The following LRRC37A2 variants were observed in gnomAD, a reference collection of about 807,000 sequenced individuals.
LRRC37A2 encodes the protein leucine rich repeat containing 37 member A2.
In LRRC37A2, 9 loss-of-function variants were observed where a neutral mutation model predicts 68.8. The observed-to-expected ratio is 0.13, with a 90% CI of 0.08 to 0.23. LRRC37A2 has a LOEUF of 0.23. LRRC37A2 is among the 10% of genes least tolerant of loss of function. The probability of loss-of-function intolerance (pLI) is 1.00; values close to 1 mark genes in which losing one functional copy is unlikely to be tolerated. For synonymous variants in LRRC37A2, 63 were observed against 367.6 expected, an observed-to-expected ratio of 0.17 and a Z score of 9.48; for missense variants, 168 against 950.4, an observed-to-expected ratio of 0.18 and a Z score of 10.82.
At chr17:46,841,672 G>A in the LRRC37A2 span, among the ~76,000 whole-genome samples, 1 of 152,178 alleles carries the variant, frequency 6.6e-6, no homozygotes, top group Non-Finnish European at 1.5e-5. Context: ...GGGGCTGGCC[G>A]GGAGCAGGAC....
chr17:46,835,823 TC>T, the LRRC37A2 span, among the ~76,000 whole-genome samples: 1 of 152,172 alleles, frequency 6.6e-6, no homozygotes, highest in Non-Finnish European at 1.5e-5. Flanking sequence ...CCCCCTTCAC[TC>T]CCCACCTCTG....
At chr17:47,020,323 T>A in the LRRC37A2 span, among the ~76,000 whole-genome samples, 460 of 147,554 alleles carry the variant, frequency 3.1e-3, 11 homozygotes, top group African/African-American at 0.012. Context: ...ATGAAACACT[T>A]CATCAGTGCT....
chr17:46,805,013 C>A, the LRRC37A2 span, among the ~76,000 whole-genome samples: 1 of 148,538 alleles, frequency 6.7e-6, no homozygotes, highest in East Asian at 2.0e-4. Flanking sequence ...ATAACTCTTG[C>A]TGTTGCTCAC....
the LRRC37A2 span, among the ~76,000 whole-genome samples, chr17:46,991,338 C>T: frequency 5.9e-5 from 9 of 152,198 alleles, no homozygotes; most frequent in Admixed American, 3.9e-4. Context: ...TAAAAAGAAA[C>T]AGTATAGGCC....
chr17:46,787,751 C>G, the LRRC37A2 span, among the ~76,000 whole-genome samples: 3 of 152,174 alleles, frequency 2.0e-5, no homozygotes, highest in East Asian at 3.8e-4. Context: ...GTCAGGAGTT[C>G]GAGACCAGCC....
chr17:46,755,868 G>A, the LRRC37A2 span: 16 of 1,590,968 alleles, frequency 1.0e-5, 1 homozygote, highest in South Asian at 1.8e-4. Context: ...AAGTGACCAA[G>A]GTGAAGATGG....
the LRRC37A2 span, among the ~76,000 whole-genome samples, chr17:46,868,798 T>C: frequency 6.6e-6 from 1 of 152,164 alleles, no homozygotes; most frequent in African/African-American, 2.4e-5. Context: ...GTATGACTTC[T>C]TCCAGGGGAT....
the LRRC37A2 span, among the ~76,000 whole-genome samples, chr17:46,906,508 C>T: frequency 6.6e-6 from 1 of 152,226 alleles, no homozygotes; most frequent in Non-Finnish European, 1.5e-5. Flanking sequence ...CAGCCTTCAA[C>T]ACCTGGAGTC....
chr17:46,532,112 T>C lies in LRRC37A2; in HGVS notation c.2907-8064T>C, dbSNP rs558776786. Among the ~76,000 whole-genome samples the C allele has an allele frequency of 1.2e-3, 174 of 150,360 alleles. 11 individuals carry two copies. The highest frequency in any genetic ancestry group is 4.2e-3 in the African/African-American group (170 of 40,004). Reference sequence around the variant, plus strand: ...CGGGGTTTCAGCACGTTTATCAGGCTGCTCTCGAACTCCTAACCTCAGATG... The same window carrying C: ...CGGGGTTTCAGCACGTTTATCAGGCCGCTCTCGAACTCCTAACCTCAGATG... On this transcript the variant is annotated intron_variant, in intron 6 of 14. Coordinates refer to ENST00000576629, the Ensembl canonical transcript of LRRC37A2.
the LRRC37A2 span, among the ~76,000 whole-genome samples, chr17:47,037,185 G>A: frequency 6.6e-6 from 1 of 151,134 alleles, no homozygotes; most frequent in Non-Finnish European, 1.5e-5. Flanking sequence ...AGCTACTCAG[G>A]AGGCTGAGGT....
chr17:46,992,198 C>CTAAATAAATTAATAAATAAATAAATAAA, the LRRC37A2 span, among the ~76,000 whole-genome samples: 1 of 143,778 alleles, frequency 7.0e-6, no homozygotes, highest in Non-Finnish European at 1.5e-5. Context: ...CCCATCTCTA[C>CTAAATAAATTAATAAATAAATAAATAAA]TAAATAAATA....
chr17:46,795,606 C>T, the LRRC37A2 span, among the ~76,000 whole-genome samples: 1 of 152,188 alleles, frequency 6.6e-6, no homozygotes, highest in Non-Finnish European at 1.5e-5. Context: ...GTCCAGCCTG[C>T]AAACATTTCC....
chr17:46,753,702 A>G, the LRRC37A2 span, among the ~76,000 whole-genome samples: 1 of 152,122 alleles, frequency 6.6e-6, no homozygotes, highest in African/African-American at 2.4e-5. Flanking sequence ...GTCAGTGATC[A>G]AGTTAATGCT....
chr17:46,479,700 G>C, the LRRC37A2 span, among the ~76,000 whole-genome samples: 1 of 105,356 alleles, frequency 9.5e-6, no homozygotes, highest in Admixed American at 9.3e-5. Flanking sequence ...GTAGAGATGG[G>C]GTTTCACCAT....
chr17:46,955,946 C>G, the LRRC37A2 span, among the ~76,000 whole-genome samples: 1 of 152,170 alleles, frequency 6.6e-6, no homozygotes, highest in Non-Finnish European at 1.5e-5. Flanking sequence ...GACTCTAATT[C>G]CTTATCCCAT....
the LRRC37A2 span, among the ~76,000 whole-genome samples, chr17:46,900,690 C>G: frequency 1.3e-5 from 2 of 152,226 alleles, no homozygotes; most frequent in African/African-American, 4.8e-5. Flanking sequence ...TTCAGCAGTA[C>G]AGTACAAGGT....
At chr17:46,768,393 C>T in the LRRC37A2 span, 1 of 1,613,920 alleles carries the variant, frequency 6.2e-7, no homozygotes, top group Non-Finnish European at 8.5e-7. The surrounding 1 kb of genome is among the most constrained non-coding windows in gnomAD (Gnocchi z 5.0). Context: ...GTGGAAGATG[C>T]AGTGGCATTT....
the LRRC37A2 span, among the ~76,000 whole-genome samples, chr17:46,719,474 C>A: frequency 2.6e-5 from 4 of 152,112 alleles, no homozygotes; most frequent in African/African-American, 9.7e-5. This position sits in a 1 kb window ranked among gnomAD's most constrained non-coding sequence, Gnocchi z 4.3. Flanking sequence ...TCACCTTGTA[C>A]TTCTCTTAAT....
the LRRC37A2 span, among the ~76,000 whole-genome samples, chr17:46,778,531 C>T: frequency 1.3e-5 from 2 of 152,300 alleles, no homozygotes; most frequent in East Asian, 1.9e-4. Context: ...CGGCCACCCC[C>T]ACCCTGAGCC....
Sources: allele counts gnomAD v4.1 joint callset (sites outside exome capture counted in the v4.1 genomes callset), GRCh38; gene constraint gnomAD v4.1.1; non-coding constraint Gnocchi (gnomAD v3.1); transcripts MANE v1.5; gene names NCBI Gene and HGNC (gene_info 2026-07-23, HGNC 2026-07-21).